Variants in CFAP299 observed in about 807,000 individuals in gnomAD.
CFAP299 encodes the protein cilia and flagella associated protein 299, also known as cilia- and flagella-associated protein 299.
A neutral mutation model predicts 27.0 loss-of-function variants in CFAP299; 21 were observed. That is an observed-to-expected ratio of 0.78 (90% confidence interval 0.55 to 1.12). CFAP299 has a LOEUF of 1.12. CFAP299 is among the 50% of genes most tolerant of loss of function. The pLI, the probability that CFAP299 is intolerant of heterozygous loss-of-function variation, is 0.00. For synonymous variants in CFAP299, 104 were observed against 98.1 expected (o/e 1.06, Z -0.36); for missense variants, 310 against 276.6 (o/e 1.12, Z -0.86).
chr4:80,388,363 A>G, intron 2 of CFAP299: 1 of 681,064 alleles, frequency 1.5e-6, no homozygotes, highest in South Asian at 1.6e-5. Flanking sequence ...TGATGTATGT[A>G]GAGATCTGGC....
chr4:80,719,264 T>C (rs1259868978), intron 3 of CFAP299, among the ~76,000 whole-genome samples: 15 of 152,002 alleles, frequency 9.9e-5, no homozygotes, highest in African/African-American at 3.4e-4. Flanking sequence ...TATAACAAAC[T>C]TGTAAATGTA....
At chr4:80,386,148 C>T (rs756200227) in intron 2 of CFAP299, 3 of 549,270 alleles carry the variant, frequency 5.5e-6, no homozygotes, top group Non-Finnish European at 9.2e-6. Context: ...GAGCATCAGG[C>T]CTTCCCAGGA....
intron 3 of CFAP299, among the ~76,000 whole-genome samples, chr4:80,693,519 G>T (rs533540394): frequency 2.8e-5 from 4 of 144,946 alleles, no homozygotes; most frequent in Non-Finnish European, 4.5e-5. Flanking sequence ...GACACAGGAA[G>T]GGGAACATCA....
intron 3 of CFAP299, among the ~76,000 whole-genome samples, chr4:80,708,212 C>A (rs976583037): frequency 6.6e-6 from 1 of 151,872 alleles, no homozygotes; most frequent in African/African-American, 2.4e-5. Flanking sequence ...CATAATGTTT[C>A]CCTGATAGAT....
chr4:80,451,093 G>A (rs897979818), intron 2 of CFAP299, among the ~76,000 whole-genome samples: 4 of 152,114 alleles, frequency 2.6e-5, no homozygotes, highest in African/African-American at 9.7e-5. Context: ...GGTGGCTTAA[G>A]CAACAGAAAT....
At chr4:80,426,699 A>G (rs971866649) in intron 2 of CFAP299, among the ~76,000 whole-genome samples, 2 of 152,204 alleles carry the variant, frequency 1.3e-5, no homozygotes, top group African/African-American at 4.8e-5. Context: ...TTTAACAAAC[A>G]TTGGATAGTG....
chr4:80,926,283 G>A (rs1356471793), intron 4 of CFAP299, among the ~76,000 whole-genome samples: 1 of 152,010 alleles, frequency 6.6e-6, no homozygotes, highest in Non-Finnish European at 1.5e-5. Flanking sequence ...TGTGTGCTAA[G>A]CTACAGAGTG....
At chr4:80,420,314 C>T (rs1727231958) in intron 2 of CFAP299, 1 of 431,070 alleles carries the variant, frequency 2.3e-6, no homozygotes, top group Non-Finnish European at 4.7e-6. Context: ...GCAAATCTCT[C>T]CCACAAAAGG....
At chr4:80,335,228 T>G (rs1390059000), upstream of CFAP299, among the ~76,000 whole-genome samples, 2 of 152,216 alleles carry the variant, frequency 1.3e-5, no homozygotes, top group African/African-American at 4.8e-5. Context: ...TTGACTGAGT[T>G]TCTTTCCTTT....
Position 80,796,573 on chromosome 4 carries a change from A to C in CFAP299, c.334-73420A>C, listed in dbSNP as rs183408561. Among the ~76,000 whole-genome samples the C allele has an allele frequency of 9.9e-5, 15 of 152,276 alleles. No homozygotes were observed. In the East Asian group the frequency reaches 2.7e-3, roughly 27 times the overall value. On this transcript the variant is annotated intron_variant, in intron 3 of 5. Coordinates refer to ENST00000358105, the MANE Select transcript of CFAP299 (RefSeq NM_152770.3). ...CTTCTGGTGGGCCTTATGGACAGTA[A>C]TGGAGAAAAGGCAATGAAACCATAA...
chr4:80,936,181 A>C (rs541085904), intron 4 of CFAP299, among the ~76,000 whole-genome samples: 162 of 152,234 alleles, frequency 1.1e-3, no homozygotes, highest in African/African-American at 3.8e-3. Flanking sequence ...ATGCATATAC[A>C]CTGTTGGTGG....
intron 3 of CFAP299, among the ~76,000 whole-genome samples, chr4:80,678,342 TCTG>T (rs1301006862): frequency 6.6e-6 from 1 of 152,046 alleles, no homozygotes; most frequent in Non-Finnish European, 1.5e-5. Flanking sequence ...TGGCTTCTAC[TCTG>T]AGCATTGTGC....
Position 80,597,974 on chromosome 4 carries a change from G to A in CFAP299, c.333+14791G>A, listed in dbSNP as rs115158408. ...AGTACTGGGATTATAGGCATGAGCC[G>A]CCGTACCCGTTCTGCAATTACTATT... On this transcript the variant is annotated intron_variant, in intron 3 of 5. Coordinates refer to ENST00000358105, the MANE Select transcript of CFAP299 (RefSeq NM_152770.3). Among the ~76,000 whole-genome samples, 537 of 152,248 alleles carry A rather than the reference G, an allele frequency of 3.5e-3. 4 individuals are homozygous for A. Among genetic ancestry groups the A allele is most frequent in the African/African-American group, 0.012 (501 of 41,544 alleles).
At chr4:80,451,006 C>T (rs57739138) in intron 2 of CFAP299, among the ~76,000 whole-genome samples, 10,338 of 151,878 alleles carry the variant, frequency 0.068, 1,123 homozygotes, top group African/African-American at 0.23. Flanking sequence ...AGCCTATGAT[C>T]ACATTCAGGT....
intron 4 of CFAP299, among the ~76,000 whole-genome samples, chr4:80,884,244 T>C (rs896627631): frequency 2.0e-5 from 3 of 152,190 alleles, no homozygotes; most frequent in African/African-American, 7.2e-5. Context: ...GCACAAGAAA[T>C]ATTCTTCAGG....
At chr4:80,445,244 G>A (rs536672111) in intron 2 of CFAP299, among the ~76,000 whole-genome samples, 1 of 152,278 alleles carries the variant, frequency 6.6e-6, no homozygotes, top group East Asian at 1.9e-4. Flanking sequence ...TTGCAGCGCT[G>A]TTTACAATAG....
chr4:80,647,880 C>T (rs980345274), intron 3 of CFAP299, among the ~76,000 whole-genome samples: 2 of 152,100 alleles, frequency 1.3e-5, no homozygotes, highest in Non-Finnish European at 2.9e-5. Context: ...GAAACCCCAA[C>T]ATGGTGAAAC....
intron 2 of CFAP299, among the ~76,000 whole-genome samples, chr4:80,406,874 G>A (rs1299792057): frequency 1.3e-5 from 2 of 152,194 alleles, no homozygotes; most frequent in African/African-American, 2.4e-5. Context: ...ATAGGTGATA[G>A]TAATGAGGCA....
intron 2 of CFAP299, among the ~76,000 whole-genome samples, chr4:80,543,290 T>G (rs1030312343): frequency 1.3e-5 from 2 of 152,260 alleles, no homozygotes; most frequent in African/African-American, 4.8e-5. Flanking sequence ...CTGGCAACTC[T>G]AAAAGCCAGA....
Sources: gnomAD v4.1 joint callset for allele counts (sites outside exome capture counted in the v4.1 genomes callset) on GRCh38, gnomAD v4.1.1 for gene constraint, MANE v1.5 for transcripts, NCBI Gene and HGNC (gene_info 2026-07-23, HGNC 2026-07-21) for gene names.